The following EHMT1 variants were observed in gnomAD, a reference collection of about 807,000 sequenced individuals.
The protein encoded by EHMT1 is histone-lysine N-methyltransferase EHMT1.
A neutral mutation model predicts 147.2 loss-of-function variants in EHMT1; 15 were observed. The ratio of observed to expected loss-of-function variants is 0.10; its 90% CI spans 0.07 to 0.16. EHMT1 has a LOEUF of 0.16. EHMT1 is among the 10% of genes least tolerant of loss of function. The pLI, the probability that EHMT1 is intolerant of heterozygous loss-of-function variation, is 1.00. For missense variants in EHMT1, 1,587 were observed against 1,772.4 expected, an observed-to-expected ratio of 0.90 and a Z score of 1.88; for synonymous variants, 795 against 709.6, an observed-to-expected ratio of 1.12 and a Z score of -1.91.
chr9:137,669,849 G>A (rs1940341119), intron 1 of EHMT1, among the ~76,000 whole-genome samples: 1 of 152,040 alleles, frequency 6.6e-6, no homozygotes, highest in Non-Finnish European at 1.5e-5. Context: ...CATGATGCCT[G>A]GGCCAAAAAG....
At chr9:137,755,291 C>T (rs7873348) in intron 8 of EHMT1, among the ~76,000 whole-genome samples, 21,323 of 152,124 alleles carry the variant, frequency 0.14, 3,500 homozygotes, top group African/African-American at 0.4. Flanking sequence ...GCTCTGTTTC[C>T]ATGTATTGGT....
chr9:137,799,829 T>G (rs186964929), intron 17 of EHMT1, among the ~76,000 whole-genome samples: 1 of 152,340 alleles, frequency 6.6e-6, no homozygotes, highest in Admixed American at 6.5e-5. Flanking sequence ...GCCTTTGCCC[T>G]GAGCGCCCAG....
chr9:137,716,682 A>G lies in EHMT1; in HGVS notation c.142A>G (p.Met48Val), dbSNP rs145206240. Reference sequence around the variant, plus strand: ...AGAGAAACAGGCAGGAGAGGCCCACATGGCTGCGGACGGTGAGACCAATGG... The same window carrying G: ...AGAGAAACAGGCAGGAGAGGCCCACGTGGCTGCGGACGGTGAGACCAATGG... Reference protein sequence around the residue: ...SAEKQAGEAHMAADGETNGSC... With the variant: ...SAEKQAGEAHVAADGETNGSC... The change falls in exon 3 of 27, where the codon ATG (methionine) becomes GTG (valine). Residue 48 changes from methionine (M) to valine (V), a missense_variant. Met to Val is a conservative substitution (Grantham distance 21). This residue lies in a region of EHMT1 where 810 missense variants were observed against 673.0 expected (regional missense o/e 1.20). Transcript: ENST00000460843. The G allele has an allele frequency of 1.2e-4, 188 of 1,604,476 alleles. No individual in the cohort carries two copies. Among genetic ancestry groups the G allele is most frequent in the African/African-American group, 5.6e-4 (42 of 74,722 alleles).
chr9:137,814,295 C>T (rs1954749682), intron 21 of EHMT1, 136 bp from the exon 22 acceptor site: 4 of 908,724 alleles, frequency 4.4e-6, no homozygotes, highest in Middle Eastern at 2.1e-4. Flanking sequence ...CCTAAGAGGC[C>T]ACACACTCAC....
At chr9:137,661,602 C>T (rs1053067315) in intron 1 of EHMT1, among the ~76,000 whole-genome samples, 1 of 151,544 alleles carries the variant, frequency 6.6e-6, no homozygotes, top group African/African-American at 2.4e-5. Flanking sequence ...TCTCCTGCCT[C>T]AGCCTCCCGA....
chr9:137,619,211 A>C (rs1205971404), intron 1 of EHMT1, among the ~76,000 whole-genome samples, 162 bp downstream of exon 1: 2 of 133,230 alleles, frequency 1.5e-5, no homozygotes, highest in Non-Finnish European at 3.2e-5. Context: ...CCTCAGGCCG[A>C]GGCCGGGCCG....
At chr9:137,665,432 C>A (rs1400182285) in intron 1 of EHMT1, among the ~76,000 whole-genome samples, 2 of 152,142 alleles carry the variant, frequency 1.3e-5, no homozygotes, top group East Asian at 1.9e-4. Flanking sequence ...GAAGCATTGC[C>A]CTGAGACCCA....
rs71387855 is a variant in EHMT1 at position 137,678,071 on chromosome 9, AAATAAT to A, written c.22-32880_22-32875del. 8.2e-3 allele frequency among the ~76,000 whole-genome samples: 1,248 copies of A among 151,952 alleles called. 11 individuals are homozygous for A. The highest frequency in any genetic ancestry group is 0.013 in the Non-Finnish European group (894 of 67,928). ...GCGACAGAGCGAGACTCCGTCTCAA[AAATAAT>A]AATAATAATAATAATGTTGTCAAAA... On this transcript the variant is annotated intron_variant, in intron 1 of 26. Coordinates refer to ENST00000460843, the MANE Select transcript of EHMT1 (RefSeq NM_024757.5).
intron 4 of EHMT1, among the ~76,000 whole-genome samples, chr9:137,735,548 A>G (rs1469232448): frequency 1.3e-5 from 2 of 152,250 alleles, no homozygotes; most frequent in South Asian, 2.1e-4. Context: ...ATCCTCATCA[A>G]TAGTTGTTTT....
chr9:137,699,028 A>G (rs532343376), intron 1 of EHMT1, among the ~76,000 whole-genome samples: 29 of 151,870 alleles, frequency 1.9e-4, no homozygotes, highest in African/African-American at 6.8e-4. Context: ...GGTGTGCCCT[A>G]TTCTTCGCCT....
intron 18 of EHMT1, among the ~76,000 whole-genome samples, chr9:137,810,660 ATT>A (rs1225619782): frequency 2.0e-5 from 3 of 150,596 alleles, no homozygotes; most frequent in Admixed American, 6.6e-5. Flanking sequence ...TCCAAATTTT[ATT>A]TGTTTTATTT....
intron 1 of EHMT1, among the ~76,000 whole-genome samples, chr9:137,698,782 A>G (rs891081770): frequency 4.6e-5 from 7 of 152,110 alleles, no homozygotes; most frequent in African/African-American, 1.7e-4. Flanking sequence ...AAATTTATAA[A>G]ATTATTTAAA....
chr9:137,771,647 C>T (rs1382481113), intron 10 of EHMT1, among the ~76,000 whole-genome samples: 2 of 149,976 alleles, frequency 1.3e-5, no homozygotes, highest in Non-Finnish European at 2.9e-5. Flanking sequence ...CATGGTCTTA[C>T]CGAGGAGATG....
At chr9:137,681,952 TTTG>T (rs1589241663) in intron 1 of EHMT1, among the ~76,000 whole-genome samples, 1 of 151,220 alleles carries the variant, frequency 6.6e-6, no homozygotes, top group Non-Finnish European at 1.5e-5. Context: ...TGTTTTTTTG[TTTG>T]TTTGTTTGTT....
intron 4 of EHMT1, among the ~76,000 whole-genome samples, chr9:137,740,181 A>C (rs1309995784): frequency 2.3e-4 from 32 of 136,384 alleles, no homozygotes; most frequent in South Asian, 1.0e-3. Flanking sequence ...GCCCACCCCC[A>C]CCCCACGCCC....
At chr9:137,766,690 G>T (rs1950241248) in intron 10 of EHMT1, among the ~76,000 whole-genome samples, 1 of 152,156 alleles carries the variant, frequency 6.6e-6, no homozygotes, top group Non-Finnish European at 1.5e-5. Flanking sequence ...TAGCTACTCA[G>T]CTTTCTTTTG....
chr9:137,724,330 A>C lies in EHMT1; in HGVS notation c.643-4019A>C, dbSNP rs1946382178. Among the ~76,000 whole-genome samples, 2 of 148,362 alleles carry C rather than the reference A, an allele frequency of 1.3e-5. 1 individual carries two copies. The highest frequency in any genetic ancestry group is 4.4e-4 in the South Asian group (2 of 4,506). ...CAGCGAAGGGGCCTCCCGCCCCCAC[A>C]GGAGGGAAGAGCCTCGGGGAAGGGC... On this transcript the variant is annotated intron_variant, in intron 3 of 26. Coordinates refer to ENST00000460843, the MANE Select transcript of EHMT1 (RefSeq NM_024757.5).
intron 1 of EHMT1, among the ~76,000 whole-genome samples, chr9:137,637,837 T>C (rs1167577931): frequency 2.6e-5 from 4 of 152,206 alleles, no homozygotes; most frequent in African/African-American, 9.6e-5. Context: ...TTAAAAATTA[T>C]TAATTTCCTT....
At chr9:137,734,792 C>T (rs185728452) in intron 4 of EHMT1, among the ~76,000 whole-genome samples, 92 of 152,240 alleles carry the variant, frequency 6.0e-4, no homozygotes, top group African/African-American at 2.0e-3. Context: ...AATATATCAC[C>T]GGTATATTAA....
Sources: allele counts gnomAD v4.1 joint callset (sites outside exome capture counted in the v4.1 genomes callset), GRCh38; gene constraint gnomAD v4.1.1; regional missense constraint gnomAD v4.1.1; transcripts MANE v1.5; gene names NCBI Gene and HGNC (gene_info 2026-07-23, HGNC 2026-07-21).